SYNDIG1: variants seen among roughly 807,000 people sequenced by gnomAD.
SYNDIG1 encodes synapse differentiation-inducing gene protein 1.
SYNDIG1 carries 9 observed loss-of-function variants against 19.4 expected under a neutral mutation model. That is an observed-to-expected ratio of 0.46 (90% CI 0.28 to 0.81). The LOEUF (loss-of-function observed/expected upper bound fraction) is 0.81, where lower values mean the gene tolerates loss of function less well. Among genes scored for constraint, SYNDIG1 ranks in the 30% least tolerant of loss-of-function variants. SYNDIG1 has a pLI of 0.12. For missense variants in SYNDIG1, 311 were observed against 343.3 expected, an observed-to-expected ratio of 0.91 and a Z score of 0.74; for synonymous variants, 141 against 145.9, an observed-to-expected ratio of 0.97 and a Z score of 0.24.
chr20:24,617,395 T>C (rs1220515577), intron 3 of SYNDIG1, among the ~76,000 whole-genome samples: 1 of 152,236 alleles, frequency 6.6e-6, no homozygotes, highest in Non-Finnish European at 1.5e-5. Context: ...GGCACTGCTC[T>C]GAACCCAGGA....
At chr20:24,489,702 C>A (rs6049732) in intron 1 of SYNDIG1, among the ~76,000 whole-genome samples, 1 of 152,260 alleles carries the variant, frequency 6.6e-6, no homozygotes, top group East Asian at 1.9e-4. Flanking sequence ...CACTTATAAC[C>A]TGAACAGTAA....
chr20:24,644,578 A>G (rs1600819029), intron 3 of SYNDIG1, among the ~76,000 whole-genome samples: 1 of 152,320 alleles, frequency 6.6e-6, no homozygotes, highest in East Asian at 1.9e-4. Flanking sequence ...CTGAGCTGCA[A>G]TGTAAGAAAT....
intron 3 of SYNDIG1, among the ~76,000 whole-genome samples, chr20:24,592,076 C>T (rs1363997483): frequency 6.6e-6 from 1 of 152,144 alleles, no homozygotes; most frequent in Non-Finnish European, 1.5e-5. Context: ...GAGAACCAAG[C>T]TATCTTGGGT....
At chr20:24,486,209 G>A (rs546872057) in intron 1 of SYNDIG1, among the ~76,000 whole-genome samples, 39 of 152,342 alleles carry the variant, frequency 2.6e-4, no homozygotes, top group African/African-American at 9.4e-4. Context: ...TTGCTGGTGG[G>A]TGTGAGGTTG....
chr20:24,634,135 G>A (rs1360676011), intron 3 of SYNDIG1, among the ~76,000 whole-genome samples: 1 of 152,124 alleles, frequency 6.6e-6, no homozygotes, highest in Non-Finnish European at 1.5e-5. Flanking sequence ...CCTCCAGGGG[G>A]ACCCCGTCTT....
At chr20:24,653,767 G>A (rs1417269158) in intron 3 of SYNDIG1, among the ~76,000 whole-genome samples, 2 of 152,192 alleles carry the variant, frequency 1.3e-5, no homozygotes, top group East Asian at 1.9e-4. Flanking sequence ...CTGGAAGCCT[G>A]AGGTTGGCAG....
chr20:24,590,339 C>T (rs1414336945), intron 3 of SYNDIG1, among the ~76,000 whole-genome samples: 1 of 151,652 alleles, frequency 6.6e-6, no homozygotes, highest in African/African-American at 2.4e-5. Context: ...ACTAACAAGG[C>T]GGGGCCAACA....
intron 1 of SYNDIG1, among the ~76,000 whole-genome samples, chr20:24,484,600 A>G (rs1307321680): frequency 6.6e-6 from 1 of 152,124 alleles, no homozygotes; most frequent in African/African-American, 2.4e-5. Flanking sequence ...TCAGGGCCAT[A>G]TCCAGGAATA....
intron 2 of SYNDIG1, among the ~76,000 whole-genome samples, chr20:24,553,316 G>A (rs887484272): frequency 1.1e-4 from 17 of 152,096 alleles, no homozygotes; most frequent in African/African-American, 4.1e-4. Context: ...TTAGTTTAAT[G>A]AGATCCCATT....
intron 3 of SYNDIG1, among the ~76,000 whole-genome samples, chr20:24,659,544 A>G (rs1458253480): frequency 6.6e-6 from 1 of 152,194 alleles, no homozygotes; most frequent in East Asian, 1.9e-4. Context: ...TTCCCTTAGC[A>G]GCTGGCTGGC....
chr20:24,641,559 A>G lies in SYNDIG1; in HGVS notation c.619-23787A>G, dbSNP rs186905595. On this transcript the variant is annotated intron_variant, in intron 3 of 3. Coordinates refer to ENST00000376862, the MANE Select transcript of SYNDIG1 (RefSeq NM_024893.3). ...TGTAAGTCAGTGTGTTATTGTTGTT[A>G]GTATTTGTCGCAACCAGCAAAATAG... Among the ~76,000 whole-genome samples the G allele has an allele frequency of 2.6e-3, 399 of 152,330 alleles. 3 individuals carry two copies. The highest frequency in any genetic ancestry group is 9.1e-3 in the African/African-American group (378 of 41,568).
At chr20:24,483,633 C>T (rs1422902919) in intron 1 of SYNDIG1, among the ~76,000 whole-genome samples, 3 of 152,244 alleles carry the variant, frequency 2.0e-5, no homozygotes, top group African/African-American at 4.8e-5. Flanking sequence ...TCTGAGCACG[C>T]GTGTGCACGC....
chr20:24,517,635 T>TATATATATATACAC (rs1157541829), intron 1 of SYNDIG1, among the ~76,000 whole-genome samples: 2 of 143,950 alleles, frequency 1.4e-5, no homozygotes, highest in African/African-American at 5.1e-5. Context: ...AAAAAGTATA[T>TATATATATATACAC]ATATATATAT....
At chr20:24,659,926 T>A (rs1188792490) in intron 3 of SYNDIG1, among the ~76,000 whole-genome samples, 5 of 152,076 alleles carry the variant, frequency 3.3e-5, no homozygotes, top group African/African-American at 1.2e-4. Flanking sequence ...AGTAAGGTAG[T>A]TTTTTTTCAA....
At chr20:24,500,376 C>G (rs140613989) in intron 1 of SYNDIG1, among the ~76,000 whole-genome samples, 38 of 152,208 alleles carry the variant, frequency 2.5e-4, no homozygotes, top group African/African-American at 9.1e-4. Context: ...TGTTTTCATC[C>G]TTTTTCCATG....
Position 24,517,682 on chromosome 20 carries a change from G to GTA in SYNDIG1, c.-78-25327_-78-25326dup, listed in dbSNP as rs1328057081. 3.1e-3 allele frequency among the ~76,000 whole-genome samples: 428 copies of GTA among 137,300 alleles called. 1 individual carries two copies. Among genetic ancestry groups the GTA allele is most frequent in the Admixed American group, 7.1e-3 (96 of 13,452 alleles). The allele number at this position is 137,300 out of a possible 152,430, so 90.1% of individuals were successfully genotyped here. A position where few individuals can be genotyped will look rare whatever the true frequency, so the allele number is the denominator to read the frequency against. On this transcript the variant is annotated intron_variant, in intron 1 of 3. Coordinates refer to ENST00000376862, the MANE Select transcript of SYNDIG1 (RefSeq NM_024893.3). ...TATACACACATATATATGTGTATAT[G>GTA]TATATATATATACACATATATATGT... is the stretch of plus-strand genomic sequence containing the variant.
intron 3 of SYNDIG1, among the ~76,000 whole-genome samples, chr20:24,664,966 A>C (rs191606550): frequency 2.2e-3 from 341 of 152,234 alleles, no homozygotes; most frequent in Middle Eastern, 0.02. Flanking sequence ...AAACAAGCAC[A>C]CCATTCTTGG....
intron 3 of SYNDIG1, among the ~76,000 whole-genome samples, chr20:24,636,142 C>T (rs771862537): frequency 1.3e-4 from 20 of 152,048 alleles, no homozygotes; most frequent in Admixed American, 3.9e-4. Flanking sequence ...CCATATTTGC[C>T]GGTATATGAG....
At chr20:24,494,893 GCCCTCTGAGTTTTTGCATTAATGTAGGA>G (rs2056256804) in intron 1 of SYNDIG1, among the ~76,000 whole-genome samples, 2 of 152,190 alleles carry the variant, frequency 1.3e-5, no homozygotes, top group South Asian at 4.1e-4. Context: ...GGCCTCCTCA[GCCCTCTGAGTTTTTGCATTAATGTAGGA>G]CCCTCTGTCA....
Sources: gnomAD v4.1 joint callset for allele counts (sites outside exome capture counted in the v4.1 genomes callset) on GRCh38, gnomAD v4.1.1 for gene constraint, MANE v1.5 for transcripts, NCBI Gene and HGNC (gene_info 2026-07-23, HGNC 2026-07-21) for gene names.